Variants in PRDM11 observed in about 807,000 individuals in gnomAD.
The protein encoded by PRDM11 is PR/SET domain 11, also known as PR domain-containing protein 11.
Under a neutral mutation model 97.8 loss-of-function variants are expected in PRDM11, and 20 were observed. The observed-to-expected ratio is 0.20, with a 90% confidence interval of 0.14 to 0.30. PRDM11 has a LOEUF of 0.30. Ranked by LOEUF, PRDM11 falls within the 10% of genes least tolerant of loss-of-function variation. The pLI, the probability that PRDM11 is intolerant of heterozygous loss-of-function variation, is 1.00. For synonymous variants in PRDM11, 599 were observed against 637.7 expected (o/e 0.94, Z 0.91); for missense variants, 1,139 against 1,555.2 (o/e 0.73, Z 4.50).
At chr11:45,138,676 A>G (rs958589896) in intron 1 of PRDM11, among the ~76,000 whole-genome samples, 2 of 152,230 alleles carry the variant, frequency 1.3e-5, no homozygotes, top group African/African-American at 4.8e-5. Flanking sequence ...AGGAAAACAT[A>G]AAGTCACATC....
chr11:45,224,239 G>C lies in PRDM11; in HGVS notation c.765G>C (p.Glu255Asp), dbSNP rs139213830. Reference protein sequence around the residue: ...LARGEKRLQREKSEQVLDNPE... With the variant: ...LARGEKRLQRDKSEQVLDNPE... ...TAGGAGAGAAGAGGTTGCAGAGGGA[G>C]AAGTCTGAGCAGGTTCTGGATAACC... Residue 255 changes from glutamate to aspartate, a missense_variant, in exon 7 of 8, where the codon GAG (glutamate) becomes GAC (aspartate). Transcript: ENST00000683152. 4.0e-5 allele frequency: 64 copies of C among 1,597,100 alleles called. No homozygotes were observed. The highest frequency in any genetic ancestry group is 5.2e-5 in the Non-Finnish European group (61 of 1,173,178).
At chr11:45,137,014 T>A (rs1007979073) in intron 1 of PRDM11, among the ~76,000 whole-genome samples, 4 of 138,110 alleles carry the variant, frequency 2.9e-5, no homozygotes, top group Admixed American at 1.5e-4. Context: ...AGAAAAAAAA[T>A]TAGCTGGGTG....
At chr11:45,163,611 T>G (rs1851986520) in intron 1 of PRDM11, among the ~76,000 whole-genome samples, 1 of 152,256 alleles carries the variant, frequency 6.6e-6, no homozygotes, top group African/African-American at 2.4e-5. Context: ...GCAGGATCTC[T>G]GCAGGAGGAC....
At chr11:45,147,861 G>GT (rs995118482) in intron 1 of PRDM11, among the ~76,000 whole-genome samples, 34 of 152,188 alleles carry the variant, frequency 2.2e-4, no homozygotes, top group Non-Finnish European at 7.3e-5. Flanking sequence ...TAGAGTGGCT[G>GT]TAAGGAAACA....
At chr11:45,199,546 C>T (rs977233133) in intron 4 of PRDM11, among the ~76,000 whole-genome samples, 13 of 152,166 alleles carry the variant, frequency 8.5e-5, no homozygotes, top group African/African-American at 2.9e-4. Flanking sequence ...AGCCTGGTTC[C>T]GGGTTATCAA....
At chr11:45,094,707 G>A (rs1851861463), upstream of PRDM11, among the ~76,000 whole-genome samples, 6 of 136,676 alleles carry the variant, frequency 4.4e-5, no homozygotes, top group South Asian at 1.5e-3. Context: ...AGGAAGGGAG[G>A]GAGGGAGGAA....
At chr11:45,190,560 A>G (rs1218314327) in intron 4 of PRDM11, among the ~76,000 whole-genome samples, 1 of 150,638 alleles carries the variant, frequency 6.6e-6, no homozygotes, top group Admixed American at 6.6e-5. Context: ...GTGTTCTTCT[A>G]TACCAGGGTG....
upstream of PRDM11, among the ~76,000 whole-genome samples, chr11:45,144,373 G>T (rs1273481355): frequency 6.6e-6 from 1 of 152,128 alleles, no homozygotes; most frequent in African/African-American, 2.4e-5. Context: ...TGACTCCCCA[G>T]CCTGCAATGC....
At chr11:45,127,442 C>T (rs1390577143) in intron 1 of PRDM11, among the ~76,000 whole-genome samples, 1 of 152,186 alleles carries the variant, frequency 6.6e-6, no homozygotes, top group Non-Finnish European at 1.5e-5. Flanking sequence ...TTTTTCTGCT[C>T]TGTTTTTTCC....
rs955167427 is a variant in PRDM11 at position 45,219,359 on chromosome 11, T to C, written c.555-211T>C. On this transcript the variant is annotated intron_variant, in intron 5 of 7. Coordinates refer to ENST00000683152, the MANE Select transcript of PRDM11 (RefSeq NM_001384648.1). This position sits in a 1 kb window ranked among gnomAD's most constrained non-coding sequence, Gnocchi z 4.2. ...GATTCTTAGAGGTTTGGAGATCTGC[T>C]TGAGGTCCCACAACACGGTGACGTT... Among the ~76,000 whole-genome samples, 2 of 152,194 alleles carry C rather than the reference T, an allele frequency of 1.3e-5. No individual in the cohort carries two copies. The highest frequency in any genetic ancestry group is 2.4e-5 in the African/African-American group (1 of 41,450).
At chr11:45,159,455 T>C (rs1851880202) in intron 1 of PRDM11, among the ~76,000 whole-genome samples, 1 of 152,384 alleles carries the variant, frequency 6.6e-6, no homozygotes, top group Non-Finnish European at 1.5e-5. Context: ...TCATTTCATC[T>C]GTGCAGCAAG....
intron 1 of PRDM11, among the ~76,000 whole-genome samples, chr11:45,180,408 G>C (rs1852442539): frequency 6.6e-6 from 1 of 152,084 alleles, no homozygotes; most frequent in African/African-American, 2.4e-5. Flanking sequence ...CGGAGGCTGG[G>C]GACACCCGCC....
At chr11:45,225,861 A>C (rs559187893) in intron 7 of PRDM11, 134 bp from the exon 8 acceptor site, 25 of 1,158,616 alleles carry the variant, frequency 2.2e-5, no homozygotes, top group Non-Finnish European at 2.9e-5. Flanking sequence ...GCTGGGATTC[A>C]ATCCATCATA....
At chr11:45,140,378 A>G (rs1278598169) in intron 1 of PRDM11, among the ~76,000 whole-genome samples, 1 of 152,188 alleles carries the variant, frequency 6.6e-6, no homozygotes, top group Non-Finnish European at 1.5e-5. Context: ...ACTAGAACCC[A>G]CATCTCTTGG....
At chr11:45,141,182 A>G (rs1264901146) in intron 1 of PRDM11, among the ~76,000 whole-genome samples, 3 of 152,196 alleles carry the variant, frequency 2.0e-5, no homozygotes, top group Non-Finnish European at 4.4e-5. Context: ...CTGCATGATC[A>G]TCTACAAGCT....
At chr11:45,225,009 G>A in intron 7 of PRDM11, 166 bp downstream of exon 7, 1 of 1,476,044 alleles carries the variant, frequency 6.8e-7, no homozygotes, top group Non-Finnish European at 8.9e-7. Flanking sequence ...AGTGTCTCTG[G>A]CAGACCCATC....
chr11:45,175,195 C>T (rs916537340), intron 1 of PRDM11, among the ~76,000 whole-genome samples: 1 of 152,208 alleles, frequency 6.6e-6, no homozygotes, highest in African/African-American at 2.4e-5. Flanking sequence ...GTTGTACCTT[C>T]TGTGGGTTTT....
intron 1 of PRDM11, among the ~76,000 whole-genome samples, chr11:45,152,574 G>A (rs1407122240): frequency 3.3e-5 from 5 of 152,202 alleles, no homozygotes; most frequent in African/African-American, 9.7e-5. Context: ...AATAGTATAT[G>A]CCATATGGTA....
chr11:45,208,990 T>C lies in PRDM11; in HGVS notation c.554+4212T>C, dbSNP rs1346983580. The stretch of plus-strand genomic sequence containing the variant: ...GCAGTGCTCTTTGGGAGGGAGACCA[T>C]GCGGCTGTCCCATGCTGACAGGGAC... On this transcript the variant is annotated intron_variant, in intron 5 of 7. Coordinates refer to ENST00000683152, the MANE Select transcript of PRDM11 (RefSeq NM_001384648.1). The C allele has an allele frequency of 1.1e-5, 5 of 456,684 alleles. No homozygotes were observed. In the East Asian group the frequency reaches 3.5e-4, roughly 32 times the overall value. The allele number at this position is 456,684 out of a possible 1,614,324, so 28.3% of individuals were successfully genotyped here. A position where few individuals can be genotyped will look rare whatever the true frequency, so the allele number is the denominator to read the frequency against.
Sources: gnomAD v4.1 joint callset for allele counts (sites outside exome capture counted in the v4.1 genomes callset) on GRCh38, gnomAD v4.1.1 for gene constraint, Gnocchi (gnomAD v3.1) non-coding constraint, MANE v1.5 for transcripts, NCBI Gene and HGNC (gene_info 2026-07-23, HGNC 2026-07-21) for gene names.